SWAP70: variants seen among roughly 807,000 people sequenced by gnomAD.
SWAP70 encodes the protein switch-associated protein 70.
Under a neutral mutation model 80.2 loss-of-function variants are expected in SWAP70, and 34 were observed. That is an observed-to-expected ratio of 0.42 (90% CI 0.32 to 0.56). SWAP70 has a LOEUF of 0.56. Among genes scored for constraint, SWAP70 ranks in the 20% least tolerant of loss-of-function variants. The pLI, the probability that SWAP70 is intolerant of heterozygous loss-of-function variation, is 0.09. For synonymous variants in SWAP70, 239 were observed against 238.5 expected, an observed-to-expected ratio of 1.00 and a Z score of -0.02; for missense variants, 578 against 690.7, an observed-to-expected ratio of 0.84 and a Z score of 1.83.
At chr11:9,740,097 G>C in intron 8 of SWAP70, 84 bp from the exon 9 acceptor site, 1 of 1,331,322 alleles carries the variant, frequency 7.5e-7, no homozygotes, top group South Asian at 1.4e-5. Context: ...GGCTGCAGCT[G>C]TGGGCAACCC....
At position 9,745,919 on chromosome 11, in the gene SWAP70, C is replaced by T. The variant is rs146198517; in HGVS notation, c.1356-1939C>T. 3.5e-3 allele frequency among the ~76,000 whole-genome samples: 530 copies of T among 152,278 alleles called. 3 individuals are homozygous for T. Among genetic ancestry groups the T allele is most frequent in the South Asian group, 4.8e-3 (23 of 4,832 alleles). On this transcript the variant is annotated intron_variant, in intron 9 of 11. Coordinates refer to ENST00000318950, the MANE Select transcript of SWAP70 (RefSeq NM_015055.4). Reference sequence around the variant, plus strand: ...TTCCACAGAAAGGCAGGTGACCAGGCCTTGAACACAGGCAGGAATCACAGG... The same window carrying T: ...TTCCACAGAAAGGCAGGTGACCAGGTCTTGAACACAGGCAGGAATCACAGG...
intron 1 of SWAP70, among the ~76,000 whole-genome samples, chr11:9,683,851 T>C (rs1850598061): frequency 6.6e-6 from 1 of 152,128 alleles, no homozygotes; most frequent in South Asian, 2.1e-4. Flanking sequence ...ATCTGAGTGG[T>C]GCATCTCTGT....
chr11:9,699,745 A>G (rs915953738), intron 2 of SWAP70, among the ~76,000 whole-genome samples: 2 of 152,010 alleles, frequency 1.3e-5, no homozygotes, highest in African/African-American at 2.4e-5. Context: ...AGTCCTAACT[A>G]CTTGAGAGAC....
At chr11:9,744,500 G>C (rs945910356) in intron 9 of SWAP70, among the ~76,000 whole-genome samples, 1 of 152,142 alleles carries the variant, frequency 6.6e-6, no homozygotes, top group Admixed American at 6.5e-5. Context: ...AATTATGATT[G>C]ACTATAGTCA....
chr11:9,694,312 G>A (rs967035015), intron 2 of SWAP70, 26 bp downstream of exon 2: 1 of 1,582,978 alleles, frequency 6.3e-7, no homozygotes, highest in Non-Finnish European at 8.6e-7. Flanking sequence ...TTTTTTGGGT[G>A]TAGCATTGTT....
chr11:9,699,075 A>G (rs1344080385), intron 2 of SWAP70, among the ~76,000 whole-genome samples: 1 of 152,208 alleles, frequency 6.6e-6, no homozygotes, highest in Non-Finnish European at 1.5e-5. Flanking sequence ...AAAGCAACAT[A>G]TGGTATGATT....
chr11:9,701,257 C>T (rs774432711), intron 2 of SWAP70, among the ~76,000 whole-genome samples: 4 of 151,650 alleles, frequency 2.6e-5, no homozygotes, highest in Non-Finnish European at 4.4e-5. Context: ...CTGCAACCTC[C>T]GCCTTCTGAG....
At chr11:9,671,373 AAAAT>A (rs1423175393) in intron 1 of SWAP70, among the ~76,000 whole-genome samples, 2 of 111,586 alleles carry the variant, frequency 1.8e-5, no homozygotes, top group Non-Finnish European at 3.3e-5. Flanking sequence ...AAATAAAATA[AAAAT>A]AAAAATATAT....
chr11:9,664,251 C>T lies in SWAP70; in HGVS notation c.72C>T (p.Ser24=), dbSNP rs1850280429. ...TCACCGCACTCGACCAGGACCACAG[C>T]GGCAAGGTCTCCAAGTCCCAGCTCA... The part of the protein sequence containing the change: ...HAFTALDQDH[S]GKVSKSQLKV... Residue 24 remains serine, a synonymous_variant, in exon 1 of 12, where the codon AGC becomes AGT. Coordinates refer to ENST00000318950, the MANE Select transcript of SWAP70 (RefSeq NM_015055.4). 1 of 1,589,618 alleles carries T rather than the reference C, an allele frequency of 6.3e-7. No individual in the cohort carries two copies. Among genetic ancestry groups the T allele is most frequent in the East Asian group, 2.3e-5 (1 of 43,296 alleles).
chr11:9,712,662 A>G (rs182096263), intron 2 of SWAP70, among the ~76,000 whole-genome samples: 139 of 152,266 alleles, frequency 9.1e-4, no homozygotes, highest in African/African-American at 3.0e-3. Flanking sequence ...TACGTGAACA[A>G]ATGAATGAAT....
At chr11:9,682,781 A>G (rs557006404) in intron 1 of SWAP70, among the ~76,000 whole-genome samples, 1 of 152,270 alleles carries the variant, frequency 6.6e-6, no homozygotes, top group East Asian at 1.9e-4. Flanking sequence ...GGTTCAAGTG[A>G]TTCTCATGCC....
At chr11:9,728,556 A>G (rs1222415335) in intron 5 of SWAP70, among the ~76,000 whole-genome samples, 1 of 152,260 alleles carries the variant, frequency 6.6e-6, no homozygotes, top group African/African-American at 2.4e-5. Flanking sequence ...AGAATATGCC[A>G]GAAAATCTGG....
At chr11:9,717,444 G>T (rs1851080246) in intron 3 of SWAP70, among the ~76,000 whole-genome samples, 1 of 152,066 alleles carries the variant, frequency 6.6e-6, no homozygotes, top group African/African-American at 2.4e-5. Context: ...GACTAGCCTG[G>T]GCAACATGGT....
At chr11:9,742,899 T>TAA (rs397803134) in intron 9 of SWAP70, among the ~76,000 whole-genome samples, 1 of 149,722 alleles carries the variant, frequency 6.7e-6, no homozygotes, top group African/African-American at 2.5e-5. Flanking sequence ...TTTTTTTTTT[T>TAA]AATTTTATTA....
chr11:9,734,811 G>A (rs11042488), intron 7 of SWAP70, among the ~76,000 whole-genome samples: 33,862 of 151,918 alleles, frequency 0.22, 4,832 homozygotes, highest in Non-Finnish European at 0.31. Flanking sequence ...TTTTAATAGA[G>A]ATGAGGTTTT....
At chr11:9,671,533 T>TATATATAAATATATATATAA (rs1565109445) in intron 1 of SWAP70, among the ~76,000 whole-genome samples, 2 of 25,046 alleles carry the variant, frequency 8.0e-5, no homozygotes, top group Non-Finnish European at 2.3e-4. Flanking sequence ...AATATATAAA[T>TATATATAAATATATATATAA]ATATAGAAAT....
chr11:9,671,229 AAT>A (rs1167570169), intron 1 of SWAP70, among the ~76,000 whole-genome samples: 1 of 82,188 alleles, frequency 1.2e-5, no homozygotes, highest in Non-Finnish European at 2.0e-5. Flanking sequence ...AAATATATAA[AAT>A]ATATTTATAA....
intron 6 of SWAP70, among the ~76,000 whole-genome samples, chr11:9,731,129 C>T (rs995045020): frequency 2.0e-5 from 3 of 151,884 alleles, no homozygotes; most frequent in Non-Finnish European, 4.4e-5. Flanking sequence ...TTTATGGCTC[C>T]GTAGTGAATG....
intron 1 of SWAP70, among the ~76,000 whole-genome samples, chr11:9,675,278 C>A (rs373076989): frequency 2.0e-5 from 3 of 149,286 alleles, no homozygotes; most frequent in East Asian, 4.0e-4. Flanking sequence ...CAGAGTGAGA[C>A]CCTGTATCCA....
Sources: allele counts gnomAD v4.1 joint callset (sites outside exome capture counted in the v4.1 genomes callset), GRCh38; gene constraint gnomAD v4.1.1; transcripts MANE v1.5; gene names NCBI Gene and HGNC (gene_info 2026-07-23, HGNC 2026-07-21).